The following PRIM2 variants were observed in gnomAD, a reference collection of about 807,000 sequenced individuals.
The protein encoded by PRIM2 is DNA primase subunit 2, also known as DNA primase large subunit.
PRIM2 carries 39 observed loss-of-function variants against 67.3 expected under a neutral mutation model. The ratio of observed to expected loss-of-function variants is 0.58; its 90% confidence interval spans 0.45 to 0.76. The LOEUF (loss-of-function observed/expected upper bound fraction) is 0.76, where lower values mean the gene tolerates loss of function less well. Ranked by LOEUF, PRIM2 falls within the 30% of genes least tolerant of loss-of-function variation. The pLI, the probability that PRIM2 is intolerant of heterozygous loss-of-function variation, is 0.00. For synonymous variants in PRIM2, 143 were observed against 198.7 expected, an observed-to-expected ratio of 0.72 and a Z score of 2.36; for missense variants, 398 against 598.7, an observed-to-expected ratio of 0.66 and a Z score of 3.50.
chr6:57,313,737 C>A (rs1031013569), upstream of PRIM2, among the ~76,000 whole-genome samples: 3 of 152,164 alleles, frequency 2.0e-5, no homozygotes, highest in Admixed American at 6.5e-5. Context: ...CTTTTCATGG[C>A]AAACACAGCT....
At chr6:57,515,521 G>A (rs1203332064) in intron 8 of PRIM2, among the ~76,000 whole-genome samples, 1 of 152,302 alleles carries the variant, frequency 6.6e-6, no homozygotes, top group Admixed American at 6.5e-5. Flanking sequence ...ACAAGTGAAC[G>A]AGTGACTTGA....
intron 7 of PRIM2, among the ~76,000 whole-genome samples, chr6:57,500,290 C>T (rs1554346742): frequency 2.0e-5 from 3 of 152,302 alleles, no homozygotes; most frequent in South Asian, 4.2e-4. Context: ...TCCTCCAAGC[C>T]GTTCCTCACC....
chr6:57,422,977 A>T (rs1771513185), intron 7 of PRIM2, among the ~76,000 whole-genome samples: 1 of 152,154 alleles, frequency 6.6e-6, no homozygotes, highest in South Asian at 2.1e-4. Flanking sequence ...ATGAATAAGG[A>T]GTTTGTCAGG....
the PRIM2 span, among the ~76,000 whole-genome samples, chr6:57,277,060 C>T: frequency 1.3e-5 from 2 of 152,008 alleles, no homozygotes; most frequent in African/African-American, 2.4e-5. Flanking sequence ...AACCAGCAGG[C>T]CTGTGAGTTC....
chr6:57,472,865 G>GT (rs1441085803), intron 7 of PRIM2, among the ~76,000 whole-genome samples: 4 of 152,206 alleles, frequency 2.6e-5, no homozygotes, highest in African/African-American at 9.6e-5. Flanking sequence ...TGTATTGTAA[G>GT]TATGTGTAAT....
chr6:57,471,883 TAGG>T (rs1321824695), intron 7 of PRIM2, among the ~76,000 whole-genome samples: 3 of 152,100 alleles, frequency 2.0e-5, no homozygotes, highest in Non-Finnish European at 4.4e-5. Context: ...TCATTCAAGA[TAGG>T]AGAAAAAAGA....
At chr6:57,365,383 A>G (rs1008854734) in intron 5 of PRIM2, among the ~76,000 whole-genome samples, 1 of 150,868 alleles carries the variant, frequency 6.6e-6, no homozygotes, top group Non-Finnish European at 1.5e-5. Flanking sequence ...TTGTTGGTCT[A>G]GCAACTTCTT....
rs1554348581 is a variant in PRIM2, at chr6:57,519,052, A to G, written c.761+11598A>G. ...TAGGTTCCGTGATGCCCCACAAGCC[A>G]CAAAAACCAGCAAGTTTTTATTAGG... is the stretch of plus-strand genomic sequence containing the variant. On this transcript the variant is annotated intron_variant, in intron 8 of 13. Coordinates refer to ENST00000615550, the MANE Select transcript of PRIM2 (RefSeq NM_000947.5). Among the ~76,000 whole-genome samples, 42 of 152,334 alleles carry G rather than the reference A, an allele frequency of 2.8e-4. 1 individual carries two copies. In the East Asian group the frequency reaches 6.0e-3, roughly 22 times the overall value.
intron 10 of PRIM2, among the ~76,000 whole-genome samples, chr6:57,560,003 T>G (rs1424411671): frequency 2.0e-5 from 3 of 152,162 alleles, no homozygotes; most frequent in African/African-American, 7.2e-5. Context: ...GCCATGAAGT[T>G]TGCTGCATTG....
intron 7 of PRIM2, among the ~76,000 whole-genome samples, chr6:57,467,603 G>C (rs1444362881): frequency 6.6e-6 from 1 of 152,212 alleles, no homozygotes; most frequent in African/African-American, 2.4e-5. Context: ...TGTCTTGGCT[G>C]TACAGGCTCT....
chr6:57,539,738 A>G (rs1775103568), intron 10 of PRIM2, among the ~76,000 whole-genome samples: 1 of 151,744 alleles, frequency 6.6e-6, no homozygotes, highest in Admixed American at 6.6e-5. Flanking sequence ...TCATGCCTGT[A>G]ATCCTAGCAT....
chr6:57,526,483 T>G (rs1774756583), intron 8 of PRIM2, among the ~76,000 whole-genome samples: 1 of 152,212 alleles, frequency 6.6e-6, no homozygotes, highest in African/African-American at 2.4e-5. Context: ...CAAATTCAGA[T>G]TTTTCAAGAT....
intron 5 of PRIM2, among the ~76,000 whole-genome samples, chr6:57,341,169 G>A (rs1478802913): frequency 6.6e-6 from 1 of 152,154 alleles, no homozygotes; most frequent in Non-Finnish European, 1.5e-5. Flanking sequence ...AAAGGGAGCA[G>A]TAACTTTGCC....
chr6:57,466,326 G>A (rs1773189671), intron 7 of PRIM2, among the ~76,000 whole-genome samples: 1 of 152,036 alleles, frequency 6.6e-6, no homozygotes, highest in African/African-American at 2.4e-5. Context: ...TAATCCTTTG[G>A]GTATATACCC....
intron 12 of PRIM2, among the ~76,000 whole-genome samples, chr6:57,617,801 A>C (rs1334515329): frequency 1.3e-5 from 2 of 152,188 alleles, no homozygotes; most frequent in Non-Finnish European, 2.9e-5. Context: ...TAGTGTCATA[A>C]TTATCTATAG....
At chr6:57,613,401 G>T (rs1776699727) in intron 12 of PRIM2, among the ~76,000 whole-genome samples, 1 of 152,166 alleles carries the variant, frequency 6.6e-6, no homozygotes, top group Non-Finnish European at 1.5e-5. Context: ...AAGTTAGAAA[G>T]AAAGTATAAT....
At chr6:57,561,432 G>A (rs1303802312) in intron 10 of PRIM2, among the ~76,000 whole-genome samples, 6 of 152,154 alleles carry the variant, frequency 3.9e-5, no homozygotes, top group East Asian at 1.9e-4. Flanking sequence ...GGGTTTCACC[G>A]TTGTTGCCCA....
the PRIM2 span, among the ~76,000 whole-genome samples, chr6:57,290,795 G>C: frequency 2.6e-5 from 4 of 152,132 alleles, no homozygotes; most frequent in Admixed American, 2.0e-4. Context: ...GATGTTCTTT[G>C]AAACCAATGC....
the PRIM2 span, among the ~76,000 whole-genome samples, chr6:57,230,148 A>G: frequency 6.6e-6 from 1 of 152,148 alleles, no homozygotes; most frequent in Admixed American, 6.5e-5. Context: ...TTGGGCCTTG[A>G]TTCCTCCCAG....
Sources: allele counts gnomAD v4.1 joint callset (sites outside exome capture counted in the v4.1 genomes callset), GRCh38; gene constraint gnomAD v4.1.1; transcripts MANE v1.5; gene names NCBI Gene and HGNC (gene_info 2026-07-23, HGNC 2026-07-21).